Variants in GPR35 observed in about 807,000 individuals in gnomAD.
GPR35 encodes G protein-coupled receptor 35.
For missense variants in GPR35, 372 were observed against 422.5 expected (o/e 0.88, Z 1.05); for synonymous variants, 207 against 198.4 (o/e 1.04, Z -0.36).
At chr2:240,609,994 C>G (rs1332335849) in intron 2 of GPR35, among the ~76,000 whole-genome samples, 3 of 150,516 alleles carry the variant, frequency 2.0e-5, no homozygotes, top group Admixed American at 1.3e-4. Flanking sequence ...GAGTCTCGCT[C>G]TGTCAACCAG....
At chr2:240,614,912 G>A (rs1162647612) in intron 2 of GPR35, among the ~76,000 whole-genome samples, 1 of 152,092 alleles carries the variant, frequency 6.6e-6, no homozygotes, top group African/African-American at 2.4e-5. Flanking sequence ...ATATATGTGT[G>A]CATATATATG....
Position 240,630,606 on chromosome 2 carries a change from G to A in GPR35, c.654G>A (p.Met218Ile). 1.2e-6 allele frequency: 2 copies of A among 1,612,896 alleles called. No homozygotes were observed. Among genetic ancestry groups the A allele is most frequent in the Non-Finnish European group, 8.5e-7 (1 of 1,179,984 alleles). Residue 218 changes from methionine (M) to isoleucine (I), a missense_variant, in exon 2 of 2, where the codon ATG becomes ATA. By Grantham distance (10) the Met-to-Ile change is conservative (BLOSUM62 1). Coordinates refer to ENST00000407714, the MANE Select transcript of GPR35 (RefSeq NM_005301.5). ...AGGCCACCCGCAAGGCTGCCCGCAT[G>A]GTCTGGGCCAACCTCCTGGTGTTCG... ...QAEATRKAARMVWANLLVFVV... is the reference protein window; with the variant it reads ...QAEATRKAARIVWANLLVFVV...
intron 5 of GPR35, among the ~76,000 whole-genome samples, chr2:240,620,346 T>C (rs1358837163): frequency 6.6e-6 from 1 of 151,978 alleles, no homozygotes; most frequent in Non-Finnish European, 1.5e-5. Context: ...CCCCATAGGC[T>C]GGGTGAAGGT....
Position 240,630,873 on chromosome 2 carries a change from C to G in GPR35, c.921C>G (p.Thr307=). ...AAAGCCAGGACTCTCTGTGCGTGAC[C>G]CTCGCCTAAGAGGCGTGCTGTGGGC... The part of the protein sequence containing the change: ...AHKSQDSLCV[T]LA The change falls in exon 2 of 2, where the codon ACC becomes ACG. Residue 307 remains threonine, a synonymous_variant. Transcript: ENST00000407714. 6.2e-7 allele frequency: 1 copy of G among 1,611,444 alleles called. No individual in the cohort carries two copies. The highest frequency in any genetic ancestry group is 8.5e-7 in the Non-Finnish European group (1 of 1,178,812).
intron 2 of GPR35, among the ~76,000 whole-genome samples, chr2:240,612,934 C>T (rs2043198698): frequency 6.6e-6 from 1 of 152,220 alleles, no homozygotes; most frequent in Non-Finnish European, 1.5e-5. Flanking sequence ...TCCCCGACCT[C>T]CCAGGGGCGC....
chr2:240,611,967 G>GATGA (rs1182989955), intron 2 of GPR35, among the ~76,000 whole-genome samples: 3 of 152,080 alleles, frequency 2.0e-5, no homozygotes, highest in Non-Finnish European at 4.4e-5. Flanking sequence ...AGAGGCCAGC[G>GATGA]AAGGAGCAAA....
chr2:240,613,379 G>C (rs1386631867), intron 2 of GPR35, among the ~76,000 whole-genome samples: 1 of 152,234 alleles, frequency 6.6e-6, no homozygotes, highest in East Asian at 1.9e-4. Context: ...CCTGGACAAG[G>C]AGTGAAGAAT....
intron 1 of GPR35, among the ~76,000 whole-genome samples, chr2:240,625,992 T>C (rs1352771171): frequency 4.9e-5 from 2 of 41,038 alleles, no homozygotes; most frequent in South Asian, 2.5e-3. Flanking sequence ...CAGAGCAGGG[T>C]GAGGCTGTGA....
intron 2 of GPR35, among the ~76,000 whole-genome samples, chr2:240,612,808 G>A (rs1575460811): frequency 6.6e-6 from 1 of 152,352 alleles, no homozygotes; most frequent in East Asian, 1.9e-4. Context: ...GTCTGGGGAG[G>A]TCAGAGCGTG....
upstream of GPR35, among the ~76,000 whole-genome samples, chr2:240,620,780 G>A (rs571250298): frequency 1.5e-3 from 228 of 152,230 alleles, 2 homozygotes; most frequent in African/African-American, 5.2e-3. Flanking sequence ...ACCCCTGCCC[G>A]CTACCTCCTC....
chr2:240,607,390 T>A (rs1398753589), intron 2 of GPR35: 1 of 152,058 alleles, frequency 6.6e-6, no homozygotes, highest in Non-Finnish European at 1.5e-5. Flanking sequence ...AGGGTTTCGC[T>A]ATGTTGCCCA....
intron 5 of GPR35, among the ~76,000 whole-genome samples, chr2:240,619,618 C>G: frequency 6.6e-6 from 1 of 152,230 alleles, no homozygotes; most frequent in East Asian, 1.9e-4. Context: ...GGGGAAAATC[C>G]CTGCTGGAGG....
chr2:240,623,221 A>G (rs533738353), upstream of GPR35, among the ~76,000 whole-genome samples: 1 of 152,338 alleles, frequency 6.6e-6, no homozygotes, highest in East Asian at 1.9e-4. Flanking sequence ...TCCCACAAGC[A>G]CAAGCCCAGT....
At chr2:240,612,842 G>T (rs2043196978) in intron 2 of GPR35, among the ~76,000 whole-genome samples, 1 of 152,206 alleles carries the variant, frequency 6.6e-6, no homozygotes. Context: ...GCCATGGGTG[G>T]GATCCACATC....
rs1055602264 is a variant in GPR35 at position 240,630,998 on chromosome 2, A to G, written c.*116A>G. On this transcript the variant is annotated 3_prime_UTR_variant, in exon 2 of 2. Transcript: ENST00000407714. ...GAGATCAGCCCTGAACTCACTGTGTATTCTCTTGGAGCCTTGGGTGGGCAG... is the reference window on the plus strand; with the variant it reads ...GAGATCAGCCCTGAACTCACTGTGTGTTCTCTTGGAGCCTTGGGTGGGCAG... 3 of 844,354 alleles carry G rather than the reference A, an allele frequency of 3.6e-6. No homozygotes were observed. Among genetic ancestry groups the G allele is most frequent in the East Asian group, 2.6e-5 (1 of 39,044 alleles). 52.3% of individuals were successfully genotyped at this position (844,354 alleles called of 1,614,324 possible).
At chr2:240,608,064 A>G (rs2043152158) in intron 2 of GPR35, among the ~76,000 whole-genome samples, 2 of 151,924 alleles carry the variant, frequency 1.3e-5, no homozygotes, top group African/African-American at 2.4e-5. Flanking sequence ...GCTAATTTTT[A>G]TATGTTTTGT....
intron 4 of GPR35, among the ~76,000 whole-genome samples, chr2:240,618,350 C>T (rs1010207979): frequency 2.0e-5 from 3 of 152,102 alleles, no homozygotes; most frequent in Admixed American, 6.6e-5. Context: ...TGGGTTGTGT[C>T]GACGTACAGA....
At position 240,630,647 on chromosome 2, in the gene GPR35, C is replaced by T. The variant is rs538583396; in HGVS notation, c.695C>T (p.Pro232Leu). The T allele has an allele frequency of 2.5e-6, 4 of 1,613,152 alleles. No homozygotes were observed. Among genetic ancestry groups the T allele is most frequent in the Admixed American group, 1.7e-5 (1 of 60,030 alleles). The change falls in exon 2 of 2, where the codon CCC (proline) becomes CTC (leucine). Residue 232 changes from proline (P) to leucine (L), a missense_variant. Coordinates refer to ENST00000407714, the MANE Select transcript of GPR35 (RefSeq NM_005301.5). ...CTGGTGTTCGTGGTCTGCTTCCTGC[C>T]CCTGCACGTGGGGCTGACAGTGCGC... ...NLLVFVVCFLPLHVGLTVRLA... is the reference protein window; with the variant it reads ...NLLVFVVCFLLLHVGLTVRLA...
chr2:240,629,911 C>T (rs1376770507), intron 1 of GPR35, 38 bp from the exon 2 acceptor site: 4 of 1,541,760 alleles, frequency 2.6e-6, no homozygotes, highest in East Asian at 2.3e-5. Flanking sequence ...TCCCCCTGCT[C>T]ACTCTCTGCT....
Sources: gnomAD v4.1 joint callset for allele counts (sites outside exome capture counted in the v4.1 genomes callset) on GRCh38, gnomAD v4.1.1 for gene constraint, MANE v1.5 for transcripts, NCBI Gene and HGNC (gene_info 2026-07-23, HGNC 2026-07-21) for gene names.